The following SDHB variants were observed in gnomAD, a reference collection of about 807,000 sequenced individuals.
SDHB encodes succinate dehydrogenase complex iron sulfur subunit B, also known as succinate dehydrogenase [ubiquinone] iron-sulfur subunit, mitochondrial.
Under a neutral mutation model 39.7 loss-of-function variants are expected in SDHB, and 21 were observed. The observed-to-expected ratio is 0.53, with a 90% confidence interval of 0.37 to 0.76. The LOEUF is 0.76. Ranked by LOEUF, SDHB falls within the 30% of genes least tolerant of loss-of-function variation. The pLI, the probability that SDHB is intolerant of heterozygous loss-of-function variation, is 0.00. For missense variants in SDHB, 343 were observed against 350.9 expected (o/e 0.98, Z 0.18); for synonymous variants, 118 against 117.0 (o/e 1.01, Z -0.06).
chr1:17,044,924 A>T lies in SDHB; in HGVS notation c.73-36T>A, dbSNP rs766280979. The T allele has an allele frequency of 3.1e-6, 5 of 1,598,106 alleles. No homozygotes were observed. The Admixed American group carries it at 8.4e-5, about 27-fold the overall frequency. ...TTAAAGTTCACAAAAAGGAAAAAAA[A>T]ATTAGAAATACAAGATAATTCCATT... On this transcript the variant is annotated intron_variant, in intron 1 of 7. Coordinates refer to ENST00000375499, the MANE Select transcript of SDHB (RefSeq NM_003000.3).
rs1164478186 is a variant in SDHB, at chr1:17,027,885, G to T, written c.424-20C>A. On this transcript the variant is annotated intron_variant, in intron 4 of 7. Coordinates refer to ENST00000375499, the MANE Select transcript of SDHB (RefSeq NM_003000.3). ...CAAATCCTGTGGTTAAGAGGAAGAAGAAGAAGAAGAAGAAGAAAAGGATCA... is the reference window on the plus strand; with the variant it reads ...CAAATCCTGTGGTTAAGAGGAAGAATAAGAAGAAGAAGAAGAAAAGGATCA... 1.5e-6 allele frequency: 2 copies of T among 1,327,754 alleles called. No homozygotes were observed. Among genetic ancestry groups the T allele is most frequent in the Non-Finnish European group, 2.2e-6 (2 of 921,096 alleles). The allele number at this position is 1,327,754 out of a possible 1,614,324, so 82.2% of individuals were successfully genotyped here. A position where few individuals can be genotyped will look rare whatever the true frequency, so the allele number is the denominator to read the frequency against.
chr1:17,053,620 A>G (rs184587685), intron 1 of SDHB, among the ~76,000 whole-genome samples: 2 of 152,024 alleles, frequency 1.3e-5, no homozygotes, highest in African/African-American at 4.8e-5. Context: ...TGGAACTCCA[A>G]TGTCTGGATT....
rs397835910 is a variant in SDHB, at chr1:17,049,647, C to CTTTTTTTTTTTTTTTTTT, written c.72+4283_72+4300dup. On this transcript the variant is annotated intron_variant, in intron 1 of 7. Transcript: ENST00000375499. ...GGGACTGGAGCATAATCCCCTAGTT[C>CTTTTTTTTTTTTTTTTTT]TTTTTTTTTTTTTTTTTTTTTTTTT... Among the ~76,000 whole-genome samples, 40 of 52,066 alleles carry CTTTTTTTTTTTTTTTTTT rather than the reference C, an allele frequency of 7.7e-4. 6 individuals are homozygous for CTTTTTTTTTTTTTTTTTT. Among genetic ancestry groups the CTTTTTTTTTTTTTTTTTT allele is most frequent in the Admixed American group, 1.4e-3 (4 of 2,788 alleles). 34.2% of individuals were successfully genotyped at this position (52,066 alleles called of 152,430 possible).
intron 1 of SDHB, among the ~76,000 whole-genome samples, chr1:17,047,531 G>A (rs548068661): frequency 6.6e-6 from 1 of 150,454 alleles, no homozygotes; most frequent in South Asian, 2.1e-4. Flanking sequence ...ACAAAAAAAC[G>A]AATTAGCAGG....
Position 17,044,765 on chromosome 1 carries a change from T to C in SDHB, c.196A>G (p.Asn66Asp). Reference sequence around the variant, plus strand: ...GGCTTTCACAGAGATACTCACTTATTAAGGTCAACTTCATAAGTCTGCATA... The same window carrying C: ...GGCTTTCACAGAGATACTCACTTATCAAGGTCAACTTCATAAGTCTGCATA... ...PHMQTYEVDLNKCGPMVLDAL... is the reference protein window; with the variant it reads ...PHMQTYEVDLDKCGPMVLDAL... The change falls in exon 2 of 8, where the codon AAT becomes GAT. Residue 66 changes from asparagine (N) to aspartate (D), a missense_variant. Transcript: ENST00000375499. 6.2e-7 allele frequency: 1 copy of C among 1,614,038 alleles called. No individual in the cohort carries two copies. Among genetic ancestry groups the C allele is most frequent in the Non-Finnish European group, 8.5e-7 (1 of 1,179,918 alleles).
chr1:17,019,330 C>T (rs551308016), intron 7 of SDHB, among the ~76,000 whole-genome samples: 1 of 152,182 alleles, frequency 6.6e-6, no homozygotes, highest in African/African-American at 2.4e-5. Context: ...AAATCTTTTA[C>T]ATCATCATTA....
At chr1:17,028,868 T>C (rs1023674372) in intron 3 of SDHB, 132 bp from the exon 4 acceptor site, 27 of 1,115,310 alleles carry the variant, frequency 2.4e-5, no homozygotes, top group Admixed American at 3.5e-5. Context: ...CTGACAGAGG[T>C]GCCTGTTGGC....
intron 2 of SDHB, among the ~76,000 whole-genome samples, chr1:17,041,863 C>T (rs940511835): frequency 6.6e-6 from 1 of 152,040 alleles, no homozygotes; most frequent in African/African-American, 2.4e-5. Context: ...CTTTCCCCCT[C>T]ATTTCCTAGT....
At chr1:17,030,304 G>C (rs973607554) in intron 3 of SDHB, among the ~76,000 whole-genome samples, 3 of 152,086 alleles carry the variant, frequency 2.0e-5, no homozygotes, top group Non-Finnish European at 4.4e-5. Context: ...CCACTGTGTT[G>C]GGATTACAGG....
At chr1:17,048,287 G>T (rs187154777) in intron 1 of SDHB, among the ~76,000 whole-genome samples, 213 of 152,288 alleles carry the variant, frequency 1.4e-3, no homozygotes, top group Non-Finnish European at 1.2e-3. Flanking sequence ...GAATTCTCCG[G>T]AGATTCATCC....
chr1:17,023,668 TGA>T (rs567476774), intron 6 of SDHB, among the ~76,000 whole-genome samples: 79 of 152,278 alleles, frequency 5.2e-4, no homozygotes, highest in African/African-American at 1.8e-3. Context: ...ACAAATCCTA[TGA>T]GAGGGAGAGG....
intron 5 of SDHB, among the ~76,000 whole-genome samples, chr1:17,026,411 C>A (rs1345972624): frequency 6.6e-6 from 1 of 152,082 alleles, no homozygotes; most frequent in Non-Finnish European, 1.5e-5. Flanking sequence ...GTTGCCCAGG[C>A]TGAAGTACAG....
chr1:17,037,221 A>G (rs1239046174), intron 2 of SDHB, among the ~76,000 whole-genome samples: 1 of 152,168 alleles, frequency 6.6e-6, no homozygotes, highest in African/African-American at 2.4e-5. Flanking sequence ...TGATTTCTGT[A>G]TACCAGTTTT....
intron 1 of SDHB, among the ~76,000 whole-genome samples, chr1:17,048,260 G>A (rs1248576047): frequency 6.6e-6 from 1 of 152,116 alleles, no homozygotes; most frequent in African/African-American, 2.4e-5. Context: ...TTTGGAATTG[G>A]CTTTTTTTAT....
intron 2 of SDHB, among the ~76,000 whole-genome samples, chr1:17,036,084 T>C (rs1157986040): frequency 1.3e-5 from 2 of 152,088 alleles, no homozygotes; most frequent in Non-Finnish European, 2.9e-5. Flanking sequence ...TCTGGGTCCC[T>C]TGCATTTCTA....
chr1:17,028,694 G>A lies in SDHB; in HGVS notation c.329C>T (p.Thr110Ile). ...GTCAATCCTTCGGGTGCAAGCTAGAGTGTTGCCTCCATTGATGTTCATTGC... is the reference window on the plus strand; with the variant it reads ...GTCAATCCTTCGGGTGCAAGCTAGAATGTTGCCTCCATTGATGTTCATTGC... Reference protein sequence around the residue: ...SCAMNINGGNTLACTRRIDTN... With the variant: ...SCAMNINGGNILACTRRIDTN... The change falls in exon 4 of 8, where the codon ACT (threonine) becomes ATT (isoleucine). Residue 110 changes from threonine (T) to isoleucine (I), a missense_variant. By Grantham distance (89) the Thr-to-Ile change is moderately conservative. Coordinates refer to ENST00000375499, the MANE Select transcript of SDHB (RefSeq NM_003000.3). 6.2e-7 allele frequency: 1 copy of A among 1,614,148 alleles called. No homozygotes were observed.
rs1570944785 is a variant in SDHB, at chr1:17,022,641, G to A, written c.732C>T (p.His244=). 1 of 1,614,104 alleles carries A rather than the reference G, an allele frequency of 6.2e-7. No homozygotes were observed. The highest frequency in any genetic ancestry group is 1.1e-5 in the South Asian group (1 of 91,076). The change falls in exon 7 of 8, where the codon CAC becomes CAT. Residue 244 remains histidine (H), a synonymous_variant. Coordinates refer to ENST00000375499, the MANE Select transcript of SDHB (RefSeq NM_003000.3). The part of the protein sequence containing the change: ...LQDPFSLYRC[H]TIMNCTRTCP... ...AGGTCCTTGTGCAGTTCATGATGGT[G>A]TGGCAGCGGTATAGAGAGAATGGGT... is the stretch of plus-strand genomic sequence containing the variant.
chr1:17,038,095 T>G (rs757183531), intron 2 of SDHB, among the ~76,000 whole-genome samples: 1 of 151,594 alleles, frequency 6.6e-6, no homozygotes, highest in Non-Finnish European at 1.5e-5. Context: ...GCCAAGATTG[T>G]GCCATTGCAC....
intron 1 of SDHB, among the ~76,000 whole-genome samples, chr1:17,047,679 G>A (rs1287622372): frequency 4.8e-5 from 5 of 104,514 alleles, no homozygotes; most frequent in African/African-American, 1.6e-4. Flanking sequence ...TGAAACTCAA[G>A]CTAAAAAAAA....
Sources: gnomAD v4.1 joint callset for allele counts (sites outside exome capture counted in the v4.1 genomes callset) on GRCh38, gnomAD v4.1.1 for gene constraint, MANE v1.5 for transcripts, NCBI Gene and HGNC (gene_info 2026-07-23, HGNC 2026-07-21) for gene names.